GRHL2: variants seen among roughly 807,000 people sequenced by gnomAD.
GRHL2 encodes grainyhead-like protein 2 homolog.
GRHL2 carries 21 observed loss-of-function variants against 83.8 expected under a neutral mutation model. The observed-to-expected ratio is 0.25, with a 90% CI of 0.18 to 0.36. The LOEUF (loss-of-function observed/expected upper bound fraction) is 0.36. GRHL2 is among the 10% of genes least tolerant of loss of function. The probability of loss-of-function intolerance (pLI) is 1.00; values close to 1 mark genes in which losing one functional copy is unlikely to be tolerated. For synonymous variants in GRHL2, 280 were observed against 278.9 expected (o/e 1.00, Z -0.04); for missense variants, 623 against 781.8 (o/e 0.80, Z 2.42).
At chr8:101,624,826 G>A (rs904404422) in intron 9 of GRHL2, among the ~76,000 whole-genome samples, 3 of 152,104 alleles carry the variant, frequency 2.0e-5, no homozygotes, top group African/African-American at 7.2e-5. Flanking sequence ...TAAGCAATTT[G>A]CCCAGAGACA....
At chr8:101,656,968 G>T (rs1813804728) in intron 14 of GRHL2, among the ~76,000 whole-genome samples, 1 of 151,960 alleles carries the variant, frequency 6.6e-6, no homozygotes, top group South Asian at 2.1e-4. Flanking sequence ...AGGTGAAGAG[G>T]CTAGAGAAAG....
intron 1 of GRHL2, among the ~76,000 whole-genome samples, chr8:101,516,552 G>C (rs1810577085): frequency 6.6e-6 from 1 of 151,596 alleles, no homozygotes; most frequent in African/African-American, 2.4e-5. Context: ...CAAGTAGCTG[G>C]GACTACAGGC....
At chr8:101,635,393 C>T (rs1483490816) in intron 11 of GRHL2, among the ~76,000 whole-genome samples, 4 of 152,178 alleles carry the variant, frequency 2.6e-5, no homozygotes, top group African/African-American at 9.7e-5. Context: ...AGTGATAGGA[C>T]AGTGATGTAG....
rs1814154034 is a variant in GRHL2, at chr8:101,669,255, T to TTTTCTTTCTTTC, written c.*2555_*2556insCTTTCTTTCTTT. On this transcript the variant is annotated 3_prime_UTR_variant, in exon 16 of 16. Coordinates refer to ENST00000646743, the MANE Select transcript of GRHL2 (RefSeq NM_024915.4). ...GACATGTGAAATGAGCATTTTTTTC[T>TTTTCTTTCTTTC]TTTTTTTTTTTAACAAAGTCTGAAC... 3.5e-4 allele frequency: 1 copy of TTTTCTTTCTTTC among 2,878 alleles called. No individual in the cohort carries two copies. Among genetic ancestry groups the TTTTCTTTCTTTC allele is most frequent in the African/African-American group, 2.2e-3 (1 of 446 alleles). The allele number at this position is 2,878 out of a possible 1,614,324, so 0.2% of individuals were successfully genotyped here.
At chr8:101,516,414 T>TTTG (rs1810573627) in intron 1 of GRHL2, among the ~76,000 whole-genome samples, 1 of 139,734 alleles carries the variant, frequency 7.2e-6, no homozygotes, top group South Asian at 2.4e-4. Context: ...CTTTTCCTTT[T>TTTG]TTTTTTTTTT....
At chr8:101,500,443 T>C (rs1810202957) in intron 1 of GRHL2, among the ~76,000 whole-genome samples, 1 of 152,188 alleles carries the variant, frequency 6.6e-6, no homozygotes, top group Admixed American at 6.5e-5. Flanking sequence ...GAGAGCACAT[T>C]TTATGTTGTA....
intron 15 of GRHL2, among the ~76,000 whole-genome samples, chr8:101,665,363 A>G (rs560489457): frequency 1.3e-5 from 2 of 152,306 alleles, no homozygotes; most frequent in East Asian, 1.9e-4. Context: ...AAGGCAGAAG[A>G]TGAGTCAACT....
At chr8:101,593,334 T>C (rs1256591255) in intron 7 of GRHL2, among the ~76,000 whole-genome samples, 1 of 152,246 alleles carries the variant, frequency 6.6e-6, no homozygotes, top group African/African-American at 2.4e-5. Flanking sequence ...TTCCTATTTG[T>C]TCACTCATCC....
At chr8:101,534,992 C>G (rs1372607863) in intron 1 of GRHL2, among the ~76,000 whole-genome samples, 1 of 152,200 alleles carries the variant, frequency 6.6e-6, no homozygotes, top group Non-Finnish European at 1.5e-5. Context: ...CCAGGTACAT[C>G]ACATGCATTT....
Position 101,573,560 on chromosome 8 carries a change from C to T in GRHL2, c.735-108C>T. 2.9e-6 allele frequency: 4 copies of T among 1,363,422 alleles called. No homozygotes were observed. The South Asian group carries it at 3.6e-5, about 12-fold the overall frequency. The allele number at this position is 1,363,422 out of a possible 1,614,324, so 84.5% of individuals were successfully genotyped here. On this transcript the variant is annotated intron_variant, in intron 5 of 15. Transcript: ENST00000646743. ...CATATGCTGTGTTTTGTCTCTAAAA[C>T]AGTAAACATTGGTTAATGTTCATGT...
At chr8:101,531,516 A>G (rs1314643876) in intron 1 of GRHL2, among the ~76,000 whole-genome samples, 1 of 152,136 alleles carries the variant, frequency 6.6e-6, no homozygotes, top group Non-Finnish European at 1.5e-5. Flanking sequence ...GAGAAAATAA[A>G]AATTCACCTA....
intron 8 of GRHL2, among the ~76,000 whole-genome samples, chr8:101,605,281 C>T (rs1362072830): frequency 6.6e-6 from 1 of 152,136 alleles, no homozygotes; most frequent in African/African-American, 2.4e-5. Context: ...GATTCTGATT[C>T]CACTAAATAT....
intron 1 of GRHL2, among the ~76,000 whole-genome samples, chr8:101,535,838 C>T (rs1002844488): frequency 9.9e-5 from 15 of 152,192 alleles, no homozygotes; most frequent in African/African-American, 3.6e-4. Flanking sequence ...GTGCACCTGG[C>T]CTTCAGTGAC....
At chr8:101,546,604 G>A (rs561405504) in intron 2 of GRHL2, among the ~76,000 whole-genome samples, 1 of 151,934 alleles carries the variant, frequency 6.6e-6, no homozygotes, top group African/African-American at 2.4e-5. Context: ...TAGTAGAGAC[G>A]GGATTTTGCA....
At chr8:101,544,071 C>T (rs765915587) in intron 2 of GRHL2, 1 of 155,082 alleles carries the variant, frequency 6.4e-6, no homozygotes, top group Non-Finnish European at 1.4e-5. Context: ...CAGTGTCCCT[C>T]CCACAACACA....
intron 14 of GRHL2, among the ~76,000 whole-genome samples, chr8:101,651,623 C>T (rs376227872): frequency 1.4e-4 from 21 of 152,294 alleles, no homozygotes; most frequent in African/African-American, 4.8e-4. Context: ...TAAACAGCAG[C>T]TCAGCAACCT....
chr8:101,526,584 T>C lies in GRHL2; in HGVS notation c.21-16657T>C, dbSNP rs187607386. Among the ~76,000 whole-genome samples the C allele has an allele frequency of 3.3e-5, 5 of 150,050 alleles. No homozygotes were observed. The East Asian group carries it at 9.9e-4, about 30-fold the overall frequency. On this transcript the variant is annotated intron_variant, in intron 1 of 15. Transcript: ENST00000646743. The stretch of plus-strand genomic sequence containing the variant: ...AAATTTTACCATTGGCAACAAATAC[T>C]GTCTGTTGTTTTCTGTGAAGTGATA...
intron 1 of GRHL2, among the ~76,000 whole-genome samples, chr8:101,523,946 C>A (rs1810749551): frequency 6.6e-6 from 1 of 152,144 alleles, no homozygotes; most frequent in African/African-American, 2.4e-5. Context: ...GCAGTTGCTA[C>A]CATAATCACC....
the GRHL2 span, among the ~76,000 whole-genome samples, chr8:101,674,997 A>C: frequency 1.3e-5 from 2 of 152,176 alleles, no homozygotes; most frequent in African/African-American, 4.8e-5. Context: ...GGCCTTTGAC[A>C]AAATTCAACA....
Sources: allele counts gnomAD v4.1 joint callset (sites outside exome capture counted in the v4.1 genomes callset), GRCh38; gene constraint gnomAD v4.1.1; transcripts MANE v1.5; gene names NCBI Gene and HGNC (gene_info 2026-07-23, HGNC 2026-07-21).